Variants in GALNTL6 observed in about 807,000 individuals in gnomAD.
GALNTL6 encodes polypeptide N-acetylgalactosaminyltransferase-like 6.
Under a neutral mutation model 73.7 loss-of-function variants are expected in GALNTL6, and 46 were observed. The observed-to-expected ratio is 0.62, with a 90% CI of 0.49 to 0.80. GALNTL6 has a LOEUF of 0.80. Ranked by LOEUF, GALNTL6 falls within the 30% of genes least tolerant of loss-of-function variation. The pLI, the probability that GALNTL6 is intolerant of heterozygous loss-of-function variation, is 0.00. For missense variants in GALNTL6, 604 were observed against 755.0 expected (o/e 0.80, Z 2.34); for synonymous variants, 259 against 263.7 (o/e 0.98, Z 0.17).
intron 2 of GALNTL6, among the ~76,000 whole-genome samples, chr4:171,855,150 A>C (rs985363571): frequency 1.3e-5 from 2 of 152,136 alleles, no homozygotes; most frequent in African/African-American, 4.8e-5. Flanking sequence ...ATTTCATTAG[A>C]GTTTACTCTT....
rs1047032203 is a variant in GALNTL6 at position 172,507,589 on chromosome 4, G to A, written c.553+158900G>A. On this transcript the variant is annotated intron_variant, in intron 5 of 12. Coordinates refer to ENST00000506823, the MANE Select transcript of GALNTL6 (RefSeq NM_001034845.3). ...TGCTCTTCTCTGCAAAACATGGCTCGATTCTATTCATTTAGATCTCAGCTT... is the reference window on the plus strand; with the variant it reads ...TGCTCTTCTCTGCAAAACATGGCTCAATTCTATTCATTTAGATCTCAGCTT... Among the ~76,000 whole-genome samples, 4 of 54,376 alleles carry A rather than the reference G, an allele frequency of 7.4e-5. 1 individual carries two copies. Among genetic ancestry groups the A allele is most frequent in the African/African-American group, 1.8e-4 (4 of 21,646 alleles). 35.7% of individuals were successfully genotyped at this position (54,376 alleles called of 152,430 possible).
intron 2 of GALNTL6, among the ~76,000 whole-genome samples, chr4:172,092,484 G>A (rs1379950074): frequency 6.6e-6 from 1 of 151,982 alleles, no homozygotes; most frequent in Non-Finnish European, 1.5e-5. Context: ...GCTAAAGTTA[G>A]GTTGATGTCA....
intron 4 of GALNTL6, among the ~76,000 whole-genome samples, chr4:172,331,735 A>G (rs148312464): frequency 6.7e-4 from 102 of 152,282 alleles, no homozygotes; most frequent in African/African-American, 2.2e-3. Flanking sequence ...GCTTAGTAGC[A>G]TTTTATTTAT....
intron 5 of GALNTL6, among the ~76,000 whole-genome samples, chr4:172,355,358 TGAGAGAATGGCATTAC>T (rs1742113855): frequency 6.6e-6 from 1 of 152,154 alleles, no homozygotes; most frequent in South Asian, 2.1e-4. Flanking sequence ...GTACGTTGTT[TGAGAGAATGGCATTAC>T]GATGAAATAC....
At chr4:173,024,455 C>A (rs546835119) in intron 12 of GALNTL6, among the ~76,000 whole-genome samples, 49 of 152,316 alleles carry the variant, frequency 3.2e-4, no homozygotes, top group African/African-American at 1.1e-3. Context: ...TAGAAAATTC[C>A]TCTTGTTTTT....
At chr4:172,358,857 C>CAAAAAAA (rs56119441) in intron 5 of GALNTL6, among the ~76,000 whole-genome samples, 5 of 85,550 alleles carry the variant, frequency 5.8e-5, no homozygotes, top group Non-Finnish European at 8.8e-5. Context: ...ATTAAAAAGT[C>CAAAAAAA]AAAAAAAAAA....
At chr4:172,134,213 C>T (rs905668378) in intron 2 of GALNTL6, among the ~76,000 whole-genome samples, 3 of 152,018 alleles carry the variant, frequency 2.0e-5, no homozygotes, top group African/African-American at 7.2e-5. Context: ...GAAACCCCAT[C>T]TCTACTAAAA....
At chr4:171,913,629 A>G (rs577153194) in intron 2 of GALNTL6, among the ~76,000 whole-genome samples, 2 of 152,370 alleles carry the variant, frequency 1.3e-5, no homozygotes, top group African/African-American at 4.8e-5. Flanking sequence ...ACTGCACATT[A>G]CAGAAAAAGG....
Position 172,144,720 on chromosome 4 carries a change from C to T in GALNTL6, c.139-84936C>T, listed in dbSNP as rs71607870. Among the ~76,000 whole-genome samples, 347 of 152,256 alleles carry T rather than the reference C, an allele frequency of 2.3e-3. 2 individuals are homozygous for T. The highest frequency in any genetic ancestry group is 7.4e-3 in the African/African-American group (308 of 41,550). On this transcript the variant is annotated intron_variant, in intron 2 of 12. Transcript: ENST00000506823. ...GTACTGTTGTTTCCCATCTTAAAAG[C>T]AATTCATCATAATGTGTACAAAATT...
At chr4:172,215,421 T>C (rs1401555434) in intron 2 of GALNTL6, among the ~76,000 whole-genome samples, 1 of 152,160 alleles carries the variant, frequency 6.6e-6, no homozygotes, top group Non-Finnish European at 1.5e-5. Context: ...ATTCTGTTAT[T>C]AGGTGCATAC....
intron 4 of GALNTL6, among the ~76,000 whole-genome samples, chr4:172,339,660 T>G (rs1405475083): frequency 6.6e-6 from 1 of 152,172 alleles, no homozygotes; most frequent in Non-Finnish European, 1.5e-5. Flanking sequence ...CCCTCTGAGT[T>G]TCTCCAAGCC....
chr4:172,431,193 A>G (rs1205493260), intron 5 of GALNTL6, among the ~76,000 whole-genome samples: 3 of 152,186 alleles, frequency 2.0e-5, no homozygotes, highest in African/African-American at 4.8e-5. Context: ...TCCCCAAACA[A>G]TAAGTAGATT....
chr4:171,923,733 T>C (rs1305436677), intron 2 of GALNTL6, among the ~76,000 whole-genome samples: 1 of 151,416 alleles, frequency 6.6e-6, no homozygotes, highest in Non-Finnish European at 1.5e-5. Flanking sequence ...TATATCTCAG[T>C]AGCCATTTGC....
chr4:172,870,694 G>A (rs960277247), intron 7 of GALNTL6, among the ~76,000 whole-genome samples: 1 of 152,202 alleles, frequency 6.6e-6, no homozygotes, highest in African/African-American at 2.4e-5. Flanking sequence ...CTGATTTGGA[G>A]ATAGTTGAAC....
intron 2 of GALNTL6, among the ~76,000 whole-genome samples, chr4:172,057,723 A>AT (rs1448728102): frequency 0.012 from 702 of 59,766 alleles, 7 homozygotes; most frequent in Non-Finnish European, 0.017. Flanking sequence ...AAAAAAAAAA[A>AT]AAAAATATAT....
At chr4:172,273,132 A>G (rs569178164) in intron 3 of GALNTL6, among the ~76,000 whole-genome samples, 1 of 152,350 alleles carries the variant, frequency 6.6e-6, no homozygotes, top group Admixed American at 6.5e-5. Context: ...ATCTAAGGCA[A>G]TAGCCTATGG....
chr4:171,973,442 G>A (rs7665908), intron 2 of GALNTL6, among the ~76,000 whole-genome samples: 2 of 152,022 alleles, frequency 1.3e-5, no homozygotes, highest in African/African-American at 4.8e-5. Context: ...CTTCTGGTAG[G>A]CCTGGGGGTT....
chr4:172,757,802 C>G (rs182282437), intron 5 of GALNTL6, among the ~76,000 whole-genome samples: 2 of 152,118 alleles, frequency 1.3e-5, no homozygotes, highest in Admixed American at 6.5e-5. Flanking sequence ...TGAGATGTTA[C>G]GTCCCATGTG....
chr4:172,269,628 T>C (rs963086526), intron 3 of GALNTL6, among the ~76,000 whole-genome samples: 1 of 152,204 alleles, frequency 6.6e-6, no homozygotes, highest in Non-Finnish European at 1.5e-5. Flanking sequence ...CTCTTTTCCA[T>C]TATAGAGGAA....
Sources: gnomAD v4.1 joint callset for allele counts (sites outside exome capture counted in the v4.1 genomes callset) on GRCh38, gnomAD v4.1.1 for gene constraint, MANE v1.5 for transcripts, NCBI Gene and HGNC (gene_info 2026-07-23, HGNC 2026-07-21) for gene names.